DHX35: variants seen among roughly 807,000 people sequenced by gnomAD.
DHX35 encodes the protein DEAH-box helicase 35, also known as probable ATP-dependent RNA helicase DHX35.
Under a neutral mutation model 99.6 loss-of-function variants are expected in DHX35, and 84 were observed. The ratio of observed to expected loss-of-function variants is 0.84; its 90% CI spans 0.71 to 1.01. The LOEUF (loss-of-function observed/expected upper bound fraction) is 1.01. Among genes scored for constraint, DHX35 ranks in the 50% least tolerant of loss-of-function variants. DHX35 has a pLI of 0.00. For synonymous variants in DHX35, 331 were observed against 316.2 expected (o/e 1.05, Z -0.50); for missense variants, 852 against 888.5 (o/e 0.96, Z 0.52).
intron 13 of DHX35, among the ~76,000 whole-genome samples, chr20:39,012,617 C>T (rs1438997597): frequency 6.6e-6 from 1 of 152,062 alleles, no homozygotes; most frequent in Non-Finnish European, 1.5e-5. Flanking sequence ...GCAACCTCTG[C>T]CTCTTGGGTT....
At chr20:38,999,336 C>T (rs565741557) in intron 8 of DHX35, among the ~76,000 whole-genome samples, 1 of 152,152 alleles carries the variant, frequency 6.6e-6, no homozygotes, top group East Asian at 1.9e-4. Flanking sequence ...CCTCTTGGGC[C>T]CCTTCTCTGT....
chr20:38,991,364 TG>T, intron 5 of DHX35, 89 bp from the exon 6 acceptor site: 2 of 1,115,606 alleles, frequency 1.8e-6, no homozygotes, highest in Non-Finnish European at 2.6e-6. Context: ...GTACACATGC[TG>T]GCAAAGAGGT....
chr20:38,998,948 C>T (rs1031130972), intron 8 of DHX35, among the ~76,000 whole-genome samples: 1 of 152,066 alleles, frequency 6.6e-6, no homozygotes, highest in Non-Finnish European at 1.5e-5. Context: ...AGGCGCCTGC[C>T]ACCACGCTCA....
intron 2 of DHX35, among the ~76,000 whole-genome samples, chr20:38,972,004 G>GT (rs752049458): frequency 0.014 from 1,134 of 80,984 alleles, 34 homozygotes; most frequent in Non-Finnish European, 0.019. Context: ...GTTTTGTTTT[G>GT]TTTTTTTTTT....
At chr20:38,972,475 C>A in intron 2 of DHX35, 84 bp from the exon 3 acceptor site, 1 of 843,926 alleles carries the variant, frequency 1.2e-6, no homozygotes. Flanking sequence ...TTGAAAACAG[C>A]TCATTTCACA....
At position 39,018,802 on chromosome 20, in the gene DHX35, A is replaced by G; in HGVS notation, c.1403-2A>G. ...TGATTTCTTTTGTTGTTCTTATGGC[A>G]GGTCTGGACAAAGACTGTCGCCTAA... On this transcript the variant is annotated splice_acceptor_variant, in intron 14 of 21. Transcript: ENST00000252011. LOFTEE classifies it high-confidence loss of function. The G allele has an allele frequency of 6.2e-7, 1 of 1,613,576 alleles. No individual in the cohort carries two copies. Among genetic ancestry groups the G allele is most frequent in the Non-Finnish European group, 8.5e-7 (1 of 1,179,698 alleles).
At chr20:39,021,099 G>T (rs750369414) in intron 15 of DHX35, among the ~76,000 whole-genome samples, 19 of 152,200 alleles carry the variant, frequency 1.2e-4, no homozygotes, top group African/African-American at 4.6e-4. Flanking sequence ...GTTTCCAGGC[G>T]TTCCAGCAGC....
At chr20:38,983,833 G>T (rs1253628644) in intron 4 of DHX35, 57 bp downstream of exon 4, 5 of 1,481,496 alleles carry the variant, frequency 3.4e-6, no homozygotes, top group Non-Finnish European at 4.7e-6. Flanking sequence ...TTTGTGATTT[G>T]TTTACATTTC....
chr20:38,989,914 G>GA (rs1319081184), intron 5 of DHX35, among the ~76,000 whole-genome samples: 1 of 152,184 alleles, frequency 6.6e-6, no homozygotes, highest in Non-Finnish European at 1.5e-5. Context: ...CTGATGAAAT[G>GA]AAAATTGATT....
intron 15 of DHX35, among the ~76,000 whole-genome samples, chr20:39,020,088 T>G (rs2086849224): frequency 6.6e-6 from 1 of 152,250 alleles, no homozygotes; most frequent in Non-Finnish European, 1.5e-5. Flanking sequence ...TAAGGCTGCA[T>G]GTTATTTCAT....
chr20:38,994,717 GAAAAAA>G, intron 7 of DHX35, 98 bp from the exon 8 acceptor site: 1 of 792,382 alleles, frequency 1.3e-6, no homozygotes, highest in Non-Finnish European at 1.8e-6. Flanking sequence ...AGGCAAAAAA[GAAAAAA>G]AAAGACACTG....
intron 3 of DHX35, among the ~76,000 whole-genome samples, chr20:38,980,511 G>GTTTT (rs397953645): frequency 0.029 from 3,913 of 136,882 alleles, 96 homozygotes; most frequent in Middle Eastern, 0.073. Flanking sequence ...TTATAGTTCT[G>GTTTT]TTTTTTTTTT....
chr20:38,969,292 A>G (rs1443690314), intron 2 of DHX35, 78 bp downstream of exon 2: 4 of 1,463,962 alleles, frequency 2.7e-6, no homozygotes, highest in African/African-American at 2.8e-5. Context: ...ACTGAAGGGA[A>G]TGATGGCCTC....
chr20:38,989,081 G>T (rs1003413452), intron 5 of DHX35, among the ~76,000 whole-genome samples, 164 bp downstream of exon 5: 13 of 150,706 alleles, frequency 8.6e-5, no homozygotes, highest in African/African-American at 2.9e-4. Context: ...AGGAGACAGA[G>T]AGCTCTTCCT....
chr20:39,022,249 C>T (rs948185129), intron 16 of DHX35, among the ~76,000 whole-genome samples: 2 of 152,190 alleles, frequency 1.3e-5, no homozygotes, highest in Non-Finnish European at 2.9e-5. Flanking sequence ...CAACTGCACT[C>T]TGCCTCCCAG....
rs778864035 is a variant in DHX35 at position 38,997,955 on chromosome 20, T to C, written c.642+3075T>C. Among the ~76,000 whole-genome samples the C allele has an allele frequency of 5.3e-5, 8 of 152,262 alleles. No individual in the cohort carries two copies. In the South Asian group the frequency reaches 1.0e-3, roughly 20 times the overall value. ...AGACTAATTTCAAACCTCCTAGAGCTAGGGCTGCTGATAGGCCACCTGCCG... is the reference window on the plus strand; with the variant it reads ...AGACTAATTTCAAACCTCCTAGAGCCAGGGCTGCTGATAGGCCACCTGCCG... On this transcript the variant is annotated intron_variant, in intron 8 of 21. Coordinates refer to ENST00000252011, the MANE Select transcript of DHX35 (RefSeq NM_021931.4).
At chr20:39,002,727 A>T (rs769858738) in intron 9 of DHX35, 45 bp from the exon 10 acceptor site, 6 of 1,546,620 alleles carry the variant, frequency 3.9e-6, no homozygotes, top group Non-Finnish European at 5.4e-6. Context: ...ATCTGTAATT[A>T]ATGAGCATAT....
intron 8 of DHX35, among the ~76,000 whole-genome samples, chr20:38,999,554 C>G (rs773694299): frequency 1.3e-5 from 2 of 152,208 alleles, no homozygotes; most frequent in Non-Finnish European, 2.9e-5. Flanking sequence ...TAGGCCAAGA[C>G]CTCCATTGCT....
In DHX35 at chr20:38,978,456, G is replaced by A. The variant is rs1031026013; in HGVS notation, c.268-5243G>A. ...GGCACGTACTTAGGTGGGAGAGAAG[G>A]CGGATGGAGATAAATGACCCCTGCT... On this transcript the variant is annotated intron_variant, in intron 3 of 21. Transcript: ENST00000252011. The A allele has an allele frequency of 9.0e-6, 5 of 557,742 alleles. No homozygotes were observed. In the African/African-American group the frequency reaches 9.4e-5, roughly 10 times the overall value. The allele number at this position is 557,742 out of a possible 1,614,324, so 34.5% of individuals were successfully genotyped here. A position where few individuals can be genotyped will look rare whatever the true frequency, so the allele number is the denominator to read the frequency against.
Sources: gnomAD v4.1 joint callset for allele counts (sites outside exome capture counted in the v4.1 genomes callset) on GRCh38, gnomAD v4.1.1 for gene constraint, MANE v1.5 for transcripts, NCBI Gene and HGNC (gene_info 2026-07-23, HGNC 2026-07-21) for gene names.